COL24A1: variants seen among roughly 807,000 people sequenced by gnomAD.
COL24A1 encodes collagen type XXIV alpha 1 chain.
Under a neutral mutation model 253.9 loss-of-function variants are expected in COL24A1, and 224 were observed. The ratio of observed to expected loss-of-function variants is 0.88; its 90% CI spans 0.79 to 0.99. The LOEUF is 0.99. Among genes scored for constraint, COL24A1 ranks in the 50% least tolerant of loss-of-function variants. The pLI, the probability that COL24A1 is intolerant of heterozygous loss-of-function variation, is 0.00. For missense variants in COL24A1, 2,131 were observed against 2,068.5 expected (o/e 1.03, Z -0.59); for synonymous variants, 685 against 673.7 (o/e 1.02, Z -0.26).
chr1:86,153,674 A>G (rs781268141), intron 1 of COL24A1, among the ~76,000 whole-genome samples: 17 of 152,242 alleles, frequency 1.1e-4, no homozygotes, highest in Non-Finnish European at 2.2e-4. Context: ...ACTCTCCCTG[A>G]GACATCAGCT....
In COL24A1 at chr1:85,784,276, C is replaced by T. The variant is rs1358146187; in HGVS notation, c.4150G>A (p.Gly1384Ser). 1 of 1,613,928 alleles carries T rather than the reference C, an allele frequency of 6.2e-7. No homozygotes were observed. The highest frequency in any genetic ancestry group is 1.7e-5 in the Admixed American group (1 of 59,988). ...GTACATACAGGCTGCCCTTTCAGGC[C>T]AGGGTCTCCACATGGTCCTTGATCA... ...QGDQGPCGDP[G>S]LKGQPGEYGV... The change falls in exon 49 of 60, where the codon GGC becomes AGC. Residue 1384 changes from glycine (G) to serine (S), a missense_variant. By Grantham distance (56) the Gly-to-Ser change is moderately conservative (BLOSUM62 0). Coordinates refer to ENST00000370571, the MANE Select transcript of COL24A1 (RefSeq NM_152890.7).
At chr1:86,074,050 T>A (rs113979139) in intron 7 of COL24A1, among the ~76,000 whole-genome samples, 2,832 of 152,196 alleles carry the variant, frequency 0.019, 34 homozygotes, top group Middle Eastern at 0.068. Context: ...AGAAACTGCA[T>A]CAATTAATGG....
intron 33 of COL24A1, 77 bp downstream of exon 33, chr1:85,877,045 T>G: frequency 1.0e-6 from 1 of 1,003,898 alleles, no homozygotes; most frequent in South Asian, 1.5e-5. Flanking sequence ...ATAGTATATA[T>G]TTAATTATTA....
Position 85,790,497 on chromosome 1 carries a change from C to A in COL24A1, c.3952-4036G>T, listed in dbSNP as rs140359327. On this transcript the variant is annotated intron_variant, in intron 47 of 59. Coordinates refer to ENST00000370571, the MANE Select transcript of COL24A1 (RefSeq NM_152890.7). ...TATTTCATTTTTTTTTTTCAAAAGA[C>A]CAACTCCTGGATTCGTTGATTTTTT... Among the ~76,000 whole-genome samples the A allele has an allele frequency of 6.3e-3, 945 of 150,646 alleles. 15 individuals carry two copies. Among genetic ancestry groups the A allele is most frequent in the African/African-American group, 0.022 (905 of 40,986 alleles).
intron 53 of COL24A1, among the ~76,000 whole-genome samples, chr1:85,771,099 G>T (rs960401259): frequency 2.0e-5 from 3 of 152,046 alleles, no homozygotes; most frequent in East Asian, 1.9e-4. Context: ...ACCACATAGG[G>T]TTTTTAAATT....
At chr1:85,828,969 C>A (rs531377911) in intron 43 of COL24A1, among the ~76,000 whole-genome samples, 2,676 of 104,100 alleles carry the variant, frequency 0.026, 27 homozygotes, top group Admixed American at 0.038. Flanking sequence ...TGTCATTATG[C>A]TGTTAGCTGG....
rs1362758400 is a variant in COL24A1, at chr1:85,907,184, G to C, written c.2778+10C>G. 6.2e-7 allele frequency: 1 copy of C among 1,608,248 alleles called. No individual in the cohort carries two copies. Among genetic ancestry groups the C allele is most frequent in the Non-Finnish European group, 8.5e-7 (1 of 1,175,846 alleles). ...GGGGGTTAATGTACTTTTTTCCTTA[G>C]ATTACTTACTCTTTGTCCTTTAGGA... On this transcript the variant is annotated intron_variant, in intron 28 of 59. Transcript: ENST00000370571.
rs544331725 is a variant in COL24A1 at position 85,868,740 on chromosome 1, CA to C, written c.3192+41del. The C allele has an allele frequency of 1.8e-5, 25 of 1,425,668 alleles. No individual in the cohort carries two copies. In the South Asian group the frequency reaches 3.2e-4, roughly 18 times the overall value. The allele number at this position is 1,425,668 out of a possible 1,614,324, so 88.3% of individuals were successfully genotyped here. On this transcript the variant is annotated intron_variant, in intron 36 of 59. Coordinates refer to ENST00000370571, the MANE Select transcript of COL24A1 (RefSeq NM_152890.7). Reference sequence around the variant, plus strand: ...GATGTCTAATATTTTAAAGATTTTACAAAACATCTATTTTATATATAATCTT... The same window carrying C: ...GATGTCTAATATTTTAAAGATTTTACAAACATCTATTTTATATATAATCTT...
At chr1:86,024,156 G>C (rs1266173295) in intron 14 of COL24A1, among the ~76,000 whole-genome samples, 1 of 151,844 alleles carries the variant, frequency 6.6e-6, no homozygotes, top group Non-Finnish European at 1.5e-5. Flanking sequence ...AGCTGCAGTG[G>C]ACTGTCTTTC....
Position 86,089,192 on chromosome 1 carries a change from AG to A in COL24A1, c.1688del (p.Pro563LeufsTer42). On this transcript the variant is annotated frameshift_variant, in exon 7 of 60. Transcript: ENST00000370571. LOFTEE classifies it high-confidence loss of function. ...DQGLSGLMGP[P>X]GMQGDKGLKG... ...AACTTACCTTATCACCTTGCATACC[AG>A]GGGGGCCCATTAATCCAGAAAGGCC... The A allele has an allele frequency of 1.9e-6, 3 of 1,585,636 alleles. No individual in the cohort carries two copies. The highest frequency in any genetic ancestry group is 2.0e-5 in the Admixed American group (1 of 50,312).
rs1045287004 is a variant in COL24A1, at chr1:85,934,331, T to C, written c.2563-22898A>G. 3.9e-5 allele frequency among the ~76,000 whole-genome samples: 6 copies of C among 152,338 alleles called. No individual in the cohort carries two copies. In the East Asian group the frequency reaches 1.2e-3, roughly 29 times the overall value. On this transcript the variant is annotated intron_variant, in intron 24 of 59. Coordinates refer to ENST00000370571, the MANE Select transcript of COL24A1 (RefSeq NM_152890.7). ...AGGAATAGAAAAGAATTTGTAGATA[T>C]ATTTTTAAACAATCACAATGATTTA...
intron 23 of COL24A1, among the ~76,000 whole-genome samples, chr1:85,963,476 C>G (rs562036277): frequency 6.6e-6 from 1 of 152,216 alleles, no homozygotes; most frequent in South Asian, 2.1e-4. Flanking sequence ...AGATTACTTG[C>G]ATTCTTACTT....
chr1:86,106,343 T>C (rs1704979780), intron 5 of COL24A1, among the ~76,000 whole-genome samples: 1 of 152,024 alleles, frequency 6.6e-6, no homozygotes, highest in South Asian at 2.1e-4. Flanking sequence ...TGAAACATTG[T>C]TACTGTGGGT....
At chr1:86,118,568 T>A (rs941720754) in intron 3 of COL24A1, among the ~76,000 whole-genome samples, 4 of 152,184 alleles carry the variant, frequency 2.6e-5, no homozygotes, top group Non-Finnish European at 5.9e-5. Flanking sequence ...ACTCAATAAA[T>A]ATTATAAAGC....
intron 47 of COL24A1, among the ~76,000 whole-genome samples, chr1:85,814,233 C>A (rs1345324684): frequency 6.6e-6 from 1 of 152,150 alleles, no homozygotes; most frequent in African/African-American, 2.4e-5. Flanking sequence ...GGCCTTAAGA[C>A]CCCTTCATTC....
At chr1:86,119,328 T>A (rs1182262061) in intron 3 of COL24A1, among the ~76,000 whole-genome samples, 1 of 118,700 alleles carries the variant, frequency 8.4e-6, no homozygotes, top group East Asian at 2.1e-4. Flanking sequence ...TACATATTAG[T>A]CTTGAAAATC....
chr1:86,005,116 T>C (rs756735657), intron 19 of COL24A1, among the ~76,000 whole-genome samples: 44 of 152,308 alleles, frequency 2.9e-4, no homozygotes, highest in Admixed American at 5.9e-4. Flanking sequence ...AAAGTACCAG[T>C]TGTGGCTCTG....
intron 2 of COL24A1, among the ~76,000 whole-genome samples, chr1:86,135,147 T>C (rs1236684682): frequency 6.8e-6 from 1 of 146,030 alleles, no homozygotes; most frequent in Non-Finnish European, 1.5e-5. Context: ...TTAAAGTCTG[T>C]TTTATCAGAG....
At chr1:85,966,918 A>C (rs1346045840) in intron 22 of COL24A1, among the ~76,000 whole-genome samples, 1 of 152,194 alleles carries the variant, frequency 6.6e-6, no homozygotes, top group Non-Finnish European at 1.5e-5. Flanking sequence ...GGAAACTGAC[A>C]CCAAAAAAGT....
Sources: allele counts gnomAD v4.1 joint callset (sites outside exome capture counted in the v4.1 genomes callset), GRCh38; gene constraint gnomAD v4.1.1; transcripts MANE v1.5; gene names NCBI Gene and HGNC (gene_info 2026-07-23, HGNC 2026-07-21).